The following SERPINC1 variants were observed in gnomAD, a reference collection of about 807,000 sequenced individuals.
The protein encoded by SERPINC1 is antithrombin-III.
SERPINC1 carries 12 observed loss-of-function variants against 43.4 expected under a neutral mutation model. That is an observed-to-expected ratio of 0.28 (90% CI 0.18 to 0.45). The LOEUF (loss-of-function observed/expected upper bound fraction) is 0.45, where lower values mean the gene tolerates loss of function less well. Among genes scored for constraint, SERPINC1 ranks in the 20% least tolerant of loss-of-function variants. SERPINC1 has a pLI of 1.00. For missense variants in SERPINC1, 423 were observed against 578.8 expected (o/e 0.73, Z 2.76); for synonymous variants, 210 against 218.9 (o/e 0.96, Z 0.36).
chr1:173,913,145 G>A (rs1472400291), intron 2 of SERPINC1, among the ~76,000 whole-genome samples: 3 of 152,140 alleles, frequency 2.0e-5, no homozygotes, highest in Non-Finnish European at 4.4e-5. Flanking sequence ...AATAAGCACC[G>A]TATACCATCT....
chr1:173,908,385 G>T (rs2102780441), intron 5 of SERPINC1, among the ~76,000 whole-genome samples: 1 of 150,032 alleles, frequency 6.7e-6, no homozygotes, highest in Non-Finnish European at 1.5e-5. Flanking sequence ...AGCTCCTTGG[G>T]AGGCTGAGGC....
rs914379398 is a variant in SERPINC1, at chr1:173,912,155, A to G, written c.409-141T>C. 5.6e-6 allele frequency: 4 copies of G among 710,688 alleles called. No individual in the cohort carries two copies. The Admixed American group carries it at 6.1e-5, about 11-fold the overall frequency. 44.0% of individuals were successfully genotyped at this position (710,688 alleles called of 1,614,324 possible). A position where few individuals can be genotyped will look rare whatever the true frequency, so the allele number is the denominator to read the frequency against. The stretch of plus-strand genomic sequence containing the variant: ...AAGCACAGTACCTGGGACAGCATAA[A>G]TGCTCAACTCTTGTGTTCTGATGAA... On this transcript the variant is annotated intron_variant, in intron 2 of 6. Coordinates refer to ENST00000367698, the MANE Select transcript of SERPINC1 (RefSeq NM_000488.4).
intron 1 of SERPINC1, 23 bp from the exon 2 acceptor site, chr1:173,914,942 G>A (rs1434075411): frequency 6.2e-7 from 1 of 1,607,926 alleles, no homozygotes; most frequent in Admixed American, 1.7e-5. Flanking sequence ...AAAATGCCAA[G>A]TTAAGCTAGG....
intron 1 of SERPINC1, chr1:173,915,249 C>A (rs545558528): frequency 1.8e-5 from 21 of 1,156,726 alleles, no homozygotes; most frequent in Non-Finnish European, 2.3e-5. Flanking sequence ...CCTAAAAAAT[C>A]GGCTTTAGTG....
intron 1 of SERPINC1, among the ~76,000 whole-genome samples, chr1:173,915,483 CT>C (rs1657949477): frequency 6.6e-6 from 1 of 152,188 alleles, no homozygotes; most frequent in South Asian, 2.1e-4. Flanking sequence ...CGAGATCAGC[CT>C]GGACAACATG....
chr1:173,917,317 G>T lies in SERPINC1; in HGVS notation c.-58C>A. On this transcript the variant is annotated 5_prime_UTR_variant, in exon 1 of 7. Coordinates refer to ENST00000367698, the MANE Select transcript of SERPINC1 (RefSeq NM_000488.4). ...GAGATAGTGTGATCTGAGGCAATCC[G>T]CCTGAAAACTGGTTCTTTCCTCTAA... 3 of 1,528,592 alleles carry T rather than the reference G, an allele frequency of 2.0e-6. No individual in the cohort carries two copies. The highest frequency in any genetic ancestry group is 1.4e-5 in the African/African-American group (1 of 73,260). 94.7% of individuals were successfully genotyped at this position (1,528,592 alleles called of 1,614,324 possible).
At chr1:173,911,720 T>C in intron 3 of SERPINC1, 79 bp downstream of exon 3, 1 of 1,149,056 alleles carries the variant, frequency 8.7e-7, no homozygotes, top group Non-Finnish European at 1.3e-6. Context: ...AGTGTGAATT[T>C]GGATGCTGTT....
rs1343122410 is a variant in SERPINC1 at position 173,911,880 on chromosome 1, G to T, written c.543C>A (p.Asp181Glu). Residue 181 changes from aspartate (D) to glutamate (E), a missense_variant, in exon 3 of 7, where the codon GAC (aspartate) becomes GAA (glutamate). Asp to Glu is a conservative substitution (Grantham distance 45). Coordinates refer to ENST00000367698, the MANE Select transcript of SERPINC1 (RefSeq NM_000488.4). ...KLVSANRLFG[D>E]KSLTFNETYQ... ...AGGTCTCATTGAAGGTAAGGGATTT[G>T]TCTCCAAAAAGGCGATTGGCTGATA... The T allele has an allele frequency of 8.1e-6, 13 of 1,614,072 alleles. No individual in the cohort carries two copies. The highest frequency in any genetic ancestry group is 1.7e-5 in the Admixed American group (1 of 59,996).
At chr1:173,916,465 G>A (rs911277848) in intron 1 of SERPINC1, among the ~76,000 whole-genome samples, 7 of 152,218 alleles carry the variant, frequency 4.6e-5, no homozygotes, top group African/African-American at 1.7e-4. Flanking sequence ...GTGCAAAGCC[G>A]GAGAGAAGCA....
chr1:173,911,837 A>G lies in SERPINC1; in HGVS notation c.586T>C (p.Leu196=), dbSNP rs781696456. The G allele has an allele frequency of 1.4e-5, 22 of 1,613,998 alleles. No individual in the cohort carries two copies. The highest frequency in any genetic ancestry group is 1.7e-5 in the Non-Finnish European group (20 of 1,180,020). ...FNETYQDISE[L]VYGAKLQPLD... ...GGCTGGAGCTTGGCTCCATATACCAACTCACTGATGTCCTGGTAGGTCTCA... is the reference window on the plus strand; with the variant it reads ...GGCTGGAGCTTGGCTCCATATACCAGCTCACTGATGTCCTGGTAGGTCTCA... Residue 196 remains leucine, a synonymous_variant, in exon 3 of 7, where the codon TTG becomes CTG. Transcript: ENST00000367698.
rs587776397 is a variant in SERPINC1, at chr1:173,909,824, C to T, written c.881G>A (p.Arg294His). ...MYQEGKFRYR[R>H]VAEGTQVLEL... ...AAGCACCTGGGTGCCTTCAGCCACG[C>T]GCCGATAACGGAACTTGCCTTCCTG... The change falls in exon 5 of 7, where the codon CGC becomes CAC. Residue 294 changes from arginine to histidine, a missense_variant. By Grantham distance (29) the Arg-to-His change is conservative. Transcript: ENST00000367698. 22 of 1,613,964 alleles carry T rather than the reference C, an allele frequency of 1.4e-5. No homozygotes were observed. The highest frequency in any genetic ancestry group is 3.3e-5 in the Admixed American group (2 of 60,006).
chr1:173,913,177 A>G (rs534357338), intron 2 of SERPINC1, among the ~76,000 whole-genome samples: 7 of 152,320 alleles, frequency 4.6e-5, no homozygotes, highest in South Asian at 4.1e-4. Context: ...ATGCCTCCCT[A>G]TTGATGAACT....
At chr1:173,906,478 G>A (rs540742644) in intron 6 of SERPINC1, among the ~76,000 whole-genome samples, 4 of 152,296 alleles carry the variant, frequency 2.6e-5, no homozygotes, top group African/African-American at 9.6e-5. Context: ...TTCCTCCAGT[G>A]TAGTCTAGTG....
intron 6 of SERPINC1, among the ~76,000 whole-genome samples, chr1:173,904,586 T>C (rs1657409785): frequency 6.6e-6 from 1 of 152,188 alleles, no homozygotes; most frequent in South Asian, 2.1e-4. Flanking sequence ...CAATGGTATT[T>C]GAACATGGCT....
chr1:173,908,653 C>G (rs760506236), intron 5 of SERPINC1, among the ~76,000 whole-genome samples: 1 of 152,048 alleles, frequency 6.6e-6, no homozygotes, highest in Non-Finnish European at 1.5e-5. Flanking sequence ...GTTGACCTCC[C>G]GGACTCAGGC....
intron 1 of SERPINC1, among the ~76,000 whole-genome samples, chr1:173,915,970 CCAGAGT>C (rs1657972135): frequency 6.6e-6 from 1 of 152,106 alleles, no homozygotes; most frequent in South Asian, 2.1e-4. Flanking sequence ...TAGTCAAACC[CCAGAGT>C]CAATCAGTTC....
chr1:173,915,847 A>C lies in SERPINC1; in HGVS notation c.42-928T>G, dbSNP rs190933201. 1.2e-4 allele frequency among the ~76,000 whole-genome samples: 19 copies of C among 152,288 alleles called. No individual in the cohort carries two copies. In the East Asian group the frequency reaches 3.5e-3, roughly 28 times the overall value. On this transcript the variant is annotated intron_variant, in intron 1 of 6. Coordinates refer to ENST00000367698, the MANE Select transcript of SERPINC1 (RefSeq NM_000488.4). ...CAAGTTCTTCAGGGAAACAGGACCA[A>C]ACTGAACTGGTAATTAATTCTCCCC... is the stretch of plus-strand genomic sequence containing the variant.
In SERPINC1 at chr1:173,917,291, G is replaced by A; in HGVS notation, c.-32C>T. 1.2e-6 allele frequency: 2 copies of A among 1,608,908 alleles called. No individual in the cohort carries two copies. Among genetic ancestry groups the A allele is most frequent in the Non-Finnish European group, 1.7e-6 (2 of 1,175,374 alleles). On this transcript the variant is annotated 5_prime_UTR_variant, in exon 1 of 7. Coordinates refer to ENST00000367698, the MANE Select transcript of SERPINC1 (RefSeq NM_000488.4). ...TAATCTTCCACAGGGCTGGGCAAGT[G>A]GAGATAGTGTGATCTGAGGCAATCC...
At chr1:173,905,823 C>G (rs1657479383) in intron 6 of SERPINC1, among the ~76,000 whole-genome samples, 4 of 152,182 alleles carry the variant, frequency 2.6e-5, no homozygotes, top group Admixed American at 2.6e-4. Flanking sequence ...TTAAGCAAAC[C>G]TGTCCATGGC....
Sources: gnomAD v4.1 joint callset for allele counts (sites outside exome capture counted in the v4.1 genomes callset) on GRCh38, gnomAD v4.1.1 for gene constraint, MANE v1.5 for transcripts, NCBI Gene and HGNC (gene_info 2026-07-23, HGNC 2026-07-21) for gene names.